Variants in DLGAP2 observed in about 807,000 individuals in gnomAD.
The protein encoded by DLGAP2 is disks large-associated protein 2.
Under a neutral mutation model 100.3 loss-of-function variants are expected in DLGAP2, and 26 were observed. The observed-to-expected ratio is 0.26, with a 90% CI of 0.19 to 0.36. The LOEUF is 0.36. Among genes scored for constraint, DLGAP2 ranks in the 10% least tolerant of loss-of-function variants. The pLI, the probability that DLGAP2 is intolerant of heterozygous loss-of-function variation, is 1.00. For synonymous variants in DLGAP2, 886 were observed against 630.1 expected, an observed-to-expected ratio of 1.41 and a Z score of -6.08; for missense variants, 1,858 against 1,453.2, an observed-to-expected ratio of 1.28 and a Z score of -4.53.
At chr8:1,435,998 TCAAA>T (rs1455295120) in intron 3 of DLGAP2, among the ~76,000 whole-genome samples, 3 of 151,892 alleles carry the variant, frequency 2.0e-5, no homozygotes, top group Non-Finnish European at 4.4e-5. Flanking sequence ...TACAAGAGAG[TCAAA>T]CAGTTTTAAA....
intron 1 of DLGAP2, among the ~76,000 whole-genome samples, chr8:796,339 ATTC>A (rs1416837952): frequency 7.2e-5 from 11 of 151,786 alleles, no homozygotes; most frequent in Middle Eastern, 3.4e-3. Flanking sequence ...TCCTGGGAGA[ATTC>A]TTCTGTCACG....
intron 2 of DLGAP2, among the ~76,000 whole-genome samples, chr8:1,153,491 C>T (rs1305543588): frequency 2.0e-5 from 3 of 152,124 alleles, no homozygotes; most frequent in Non-Finnish European, 2.9e-5. Context: ...ATCCTTTCCC[C>T]GCTAATGAAT....
intron 3 of DLGAP2, among the ~76,000 whole-genome samples, chr8:1,373,407 C>T (rs78566886): frequency 2.6e-5 from 4 of 152,248 alleles, no homozygotes; most frequent in South Asian, 2.1e-4. Flanking sequence ...CTTGCGTCCC[C>T]GGGCTTCCTG....
chr8:1,518,439 C>T (rs1800470629), intron 4 of DLGAP2, among the ~76,000 whole-genome samples: 1 of 152,164 alleles, frequency 6.6e-6, no homozygotes, highest in African/African-American at 2.4e-5. Context: ...CAAGTCACTT[C>T]ATGTATGCTT....
intron 2 of DLGAP2, among the ~76,000 whole-genome samples, chr8:1,222,235 CT>C (rs1369563702): frequency 6.6e-6 from 1 of 152,246 alleles, no homozygotes; most frequent in African/African-American, 2.4e-5. Context: ...TTTGACATCG[CT>C]ATCTTTTGGA....
intron 3 of DLGAP2, among the ~76,000 whole-genome samples, chr8:1,324,844 C>T (rs541458550): frequency 1.6e-4 from 25 of 152,262 alleles, no homozygotes; most frequent in South Asian, 2.1e-4. Context: ...CCGTGAAATA[C>T]GGAGCTGATT....
chr8:1,019,474 A>C (rs1175121182), intron 2 of DLGAP2: 1 of 151,712 alleles, frequency 6.6e-6, no homozygotes, highest in East Asian at 1.9e-4. Context: ...AGAATCGCAC[A>C]TAGAAAGAAT....
At position 1,419,111 on chromosome 8, in the gene DLGAP2, T is replaced by C. The variant is rs143127008; in HGVS notation, c.107-82255T>C. Among the ~76,000 whole-genome samples the C allele has an allele frequency of 1.8e-3, 277 of 152,324 alleles. 1 individual carries two copies. The highest frequency in any genetic ancestry group is 6.3e-3 in the African/African-American group (261 of 41,562). On this transcript the variant is annotated intron_variant, in intron 3 of 14. Coordinates refer to ENST00000637795, the MANE Select transcript of DLGAP2 (RefSeq NM_001346810.2). ...TCTGCAAGCACTCCAAAACCCTTGG[T>C]AGGTTTTGTTTTTCCATTTTAAATT...
intron 3 of DLGAP2, among the ~76,000 whole-genome samples, chr8:1,444,461 T>G (rs1004663063): frequency 2.6e-5 from 4 of 152,222 alleles, no homozygotes; most frequent in African/African-American, 9.6e-5. Flanking sequence ...TAACCTTGTT[T>G]TGTTTGATGT....
At chr8:884,542 G>C (rs1487794715) in intron 1 of DLGAP2, among the ~76,000 whole-genome samples, 1 of 152,016 alleles carries the variant, frequency 6.6e-6, no homozygotes, top group African/African-American at 2.4e-5. Flanking sequence ...ATCTTTGTCA[G>C]ATGGGTAGAT....
intron 1 of DLGAP2, among the ~76,000 whole-genome samples, chr8:876,350 T>G (rs1797686939): frequency 6.6e-6 from 1 of 152,216 alleles, no homozygotes. Flanking sequence ...TTTATTTTTC[T>G]GGAAATGTCT....
chr8:1,340,329 A>C (rs1801390744), intron 3 of DLGAP2, among the ~76,000 whole-genome samples: 1 of 152,250 alleles, frequency 6.6e-6, no homozygotes, highest in Admixed American at 6.5e-5. Context: ...ATTTTTGCAA[A>C]TTATGCATCC....
At chr8:1,507,293 C>G (rs758952278) in intron 4 of DLGAP2, among the ~76,000 whole-genome samples, 3 of 152,218 alleles carry the variant, frequency 2.0e-5, no homozygotes, top group Non-Finnish European at 4.4e-5. Flanking sequence ...GTCCCGAGCC[C>G]TGTCCCACGG....
chr8:909,691 G>A (rs1173546457), intron 2 of DLGAP2, among the ~76,000 whole-genome samples: 1 of 152,182 alleles, frequency 6.6e-6, no homozygotes, highest in African/African-American at 2.4e-5. Flanking sequence ...AGCTGTGGAA[G>A]ACCATAGGCT....
At chr8:1,228,576 C>G (rs1798470571) in intron 2 of DLGAP2, among the ~76,000 whole-genome samples, 1 of 152,118 alleles carries the variant, frequency 6.6e-6, no homozygotes, top group African/African-American at 2.4e-5. Flanking sequence ...CAAATTGAAT[C>G]CAGCAACATA....
At chr8:1,173,542 G>C (rs892261219) in intron 2 of DLGAP2, among the ~76,000 whole-genome samples, 7 of 152,216 alleles carry the variant, frequency 4.6e-5, no homozygotes, top group African/African-American at 1.2e-4. Context: ...CCACCCAGTT[G>C]GAGCTTCCCG....
At chr8:1,010,340 T>C (rs1274015903) in intron 2 of DLGAP2, among the ~76,000 whole-genome samples, 2 of 151,948 alleles carry the variant, frequency 1.3e-5, no homozygotes, top group African/African-American at 4.8e-5. Context: ...TGCCCACATA[T>C]GCACACACAT....
chr8:861,483 T>C (rs1420025625), intron 1 of DLGAP2, among the ~76,000 whole-genome samples: 1 of 152,024 alleles, frequency 6.6e-6, no homozygotes, highest in Non-Finnish European at 1.5e-5. Context: ...AGACCAAACA[T>C]TTCATGGATC....
At chr8:1,129,585 G>A (rs1272550607) in intron 2 of DLGAP2, among the ~76,000 whole-genome samples, 1 of 152,134 alleles carries the variant, frequency 6.6e-6, no homozygotes, top group Non-Finnish European at 1.5e-5. Flanking sequence ...CTGCTCCCAC[G>A]AGCCTTGCGG....
Sources: allele counts gnomAD v4.1 joint callset (sites outside exome capture counted in the v4.1 genomes callset), GRCh38; gene constraint gnomAD v4.1.1; transcripts MANE v1.5; gene names NCBI Gene and HGNC (gene_info 2026-07-23, HGNC 2026-07-21).